UBAP2: variants seen among roughly 807,000 people sequenced by gnomAD.
The protein encoded by UBAP2 is ubiquitin-associated protein 2.
UBAP2 carries 75 observed loss-of-function variants against 139.6 expected under a neutral mutation model. That is an observed-to-expected ratio of 0.54 (90% CI 0.45 to 0.65). The LOEUF is 0.65. UBAP2 is among the 30% of genes least tolerant of loss of function. UBAP2 has a pLI of 0.00. For synonymous variants in UBAP2, 526 were observed against 526.2 expected (o/e 1.00, Z 0.01); for missense variants, 1,368 against 1,369.6 (o/e 1.00, Z 0.02).
At chr9:34,008,733 G>A (rs893319805) in intron 2 of UBAP2, among the ~76,000 whole-genome samples, 2 of 152,054 alleles carry the variant, frequency 1.3e-5, no homozygotes, top group Non-Finnish European at 2.9e-5. Context: ...TTGGTAGGCT[G>A]AGGCAGGCGG....
chr9:34,032,079 A>G (rs540971759), intron 1 of UBAP2, among the ~76,000 whole-genome samples: 1 of 151,984 alleles, frequency 6.6e-6, no homozygotes, highest in East Asian at 1.9e-4. Flanking sequence ...CAGGATTTCG[A>G]GGCTACAGTG....
intron 1 of UBAP2, among the ~76,000 whole-genome samples, chr9:34,038,838 G>A (rs548250243): frequency 9.9e-5 from 15 of 151,388 alleles, no homozygotes; most frequent in African/African-American, 2.7e-4. Context: ...AGGAAGTGAG[G>A]AGCGTCTCTG....
intron 7 of UBAP2, among the ~76,000 whole-genome samples, chr9:33,972,442 G>C (rs545439743): frequency 6.6e-6 from 1 of 152,198 alleles, no homozygotes; most frequent in Non-Finnish European, 1.5e-5. Context: ...CCTCAAAGGA[G>C]CTTAGGCAGA....
chr9:34,000,899 C>T (rs1312422861), intron 2 of UBAP2, among the ~76,000 whole-genome samples: 2 of 152,118 alleles, frequency 1.3e-5, no homozygotes, highest in Non-Finnish European at 2.9e-5. Context: ...TACATTATAC[C>T]CAAAAAGACA....
chr9:33,953,453 G>A lies in UBAP2; in HGVS notation c.888C>T (p.Leu296=), dbSNP rs1435977227. The change falls in exon 12 of 29, where the codon CTC becomes CTT. Residue 296 remains leucine, a synonymous_variant. Transcript: ENST00000379238. ...PGQSIDLVAL[L]QKPVPHSQAS... ...CTTGACTGTGAGGAACAGGCTTCTG[G>A]AGCAAGGCTACCAGATCAATGCTAA... The A allele has an allele frequency of 3.7e-6, 6 of 1,613,982 alleles. No homozygotes were observed. Among genetic ancestry groups the A allele is most frequent in the Non-Finnish European group, 5.1e-6 (6 of 1,179,954 alleles).
At chr9:33,968,079 T>C (rs1038362999) in intron 8 of UBAP2, 8 of 462,926 alleles carry the variant, frequency 1.7e-5, no homozygotes, top group Middle Eastern at 6.9e-4. Context: ...CTCTAACTTA[T>C]CAGATTGCCC....
At chr9:33,924,892 T>C (rs1212603259) in intron 22 of UBAP2, among the ~76,000 whole-genome samples, 1 of 152,146 alleles carries the variant, frequency 6.6e-6, no homozygotes, top group East Asian at 1.9e-4. Flanking sequence ...AAACATGAAA[T>C]TTGTTTGCAA....
At chr9:33,940,646 A>T (rs1825124244) in intron 16 of UBAP2, among the ~76,000 whole-genome samples, 1 of 152,134 alleles carries the variant, frequency 6.6e-6, no homozygotes, top group Non-Finnish European at 1.5e-5. Flanking sequence ...AGACATGGCA[A>T]TGCATGTCTG....
chr9:33,922,845 G>C lies in UBAP2; in HGVS notation c.3106C>G (p.Pro1036Ala). Residue 1036 changes from proline (P) to alanine (A), a missense_variant, in exon 28 of 29, where the codon CCT (proline) becomes GCT (alanine). By Grantham distance (27) the Pro-to-Ala change is conservative. Transcript: ENST00000379238. ...ACCGAGGGCAGGCTGAAAGGTGGAG[G>C]CGTCCCTGCATGAAATCCCTGCTTG... ...FDKQGFHAGT[P>A]PPFSLPSVLG... The C allele has an allele frequency of 6.3e-7, 1 of 1,583,262 alleles. No homozygotes were observed. The highest frequency in any genetic ancestry group is 8.6e-7 in the Non-Finnish European group (1 of 1,162,810).
chr9:33,968,485 G>C (rs1278018453), intron 8 of UBAP2: 3 of 541,336 alleles, frequency 5.5e-6, no homozygotes, highest in African/African-American at 3.8e-5. Context: ...TGGGACATTT[G>C]AGCACTAATG....
chr9:33,969,567 A>G (rs201152194), intron 8 of UBAP2, among the ~76,000 whole-genome samples: 20 of 71,526 alleles, frequency 2.8e-4, no homozygotes, highest in African/African-American at 7.3e-4. Flanking sequence ...AAAAAAAAGA[A>G]AGAAAGAAAG....
intron 1 of UBAP2, among the ~76,000 whole-genome samples, chr9:34,027,890 C>G (rs1478960398): frequency 6.6e-6 from 1 of 150,418 alleles, no homozygotes; most frequent in Admixed American, 6.7e-5. Flanking sequence ...AGAAAAGAAT[C>G]TCAACTAAAT....
At chr9:33,972,638 G>C in intron 7 of UBAP2, among the ~76,000 whole-genome samples, 1 of 150,850 alleles carries the variant, frequency 6.6e-6, no homozygotes, top group East Asian at 1.9e-4. Context: ...TGTTTTAGAA[G>C]CAACAAAAAG....
At chr9:34,005,254 C>T (rs1005585910) in intron 2 of UBAP2, among the ~76,000 whole-genome samples, 14 of 142,722 alleles carry the variant, frequency 9.8e-5, no homozygotes, top group Admixed American at 2.9e-4. Context: ...CAGAGTGAAA[C>T]TGTGTCTCAA....
chr9:33,925,405 G>A (rs955773152), intron 22 of UBAP2, among the ~76,000 whole-genome samples: 1 of 152,156 alleles, frequency 6.6e-6, no homozygotes, highest in Non-Finnish European at 1.5e-5. Flanking sequence ...AAGCAGCAGA[G>A]GTGAACAAAC....
At chr9:33,965,491 T>C (rs978517558) in intron 8 of UBAP2, among the ~76,000 whole-genome samples, 1 of 152,224 alleles carries the variant, frequency 6.6e-6, no homozygotes, top group Non-Finnish European at 1.5e-5. Context: ...CTCAGGCTTA[T>C]CGGATTCTAT....
intron 8 of UBAP2, among the ~76,000 whole-genome samples, chr9:33,966,403 T>C (rs1827459488): frequency 6.6e-6 from 1 of 151,624 alleles, no homozygotes; most frequent in Non-Finnish European, 1.5e-5. Flanking sequence ...TTGCAGTGAG[T>C]TGAGATCGCA....
At chr9:34,039,147 G>T (rs867844684) in intron 1 of UBAP2, among the ~76,000 whole-genome samples, 18 of 151,866 alleles carry the variant, frequency 1.2e-4, no homozygotes, top group Middle Eastern at 3.4e-3. Context: ...TGGGAGGTGG[G>T]GGGCAGCCTC....
chr9:34,031,044 A>C (rs1825844092), intron 1 of UBAP2, among the ~76,000 whole-genome samples: 1 of 152,166 alleles, frequency 6.6e-6, no homozygotes, highest in Non-Finnish European at 1.5e-5. Context: ...CAGGGTTTCA[A>C]GACTAGCCTG....
Sources: gnomAD v4.1 joint callset for allele counts (sites outside exome capture counted in the v4.1 genomes callset) on GRCh38, gnomAD v4.1.1 for gene constraint, MANE v1.5 for transcripts, NCBI Gene and HGNC (gene_info 2026-07-23, HGNC 2026-07-21) for gene names.